EPHX2: variants seen among roughly 807,000 people sequenced by gnomAD.
The protein encoded by EPHX2 is epoxide hydrolase 2.
A neutral mutation model predicts 78.7 loss-of-function variants in EPHX2; 74 were observed. The ratio of observed to expected loss-of-function variants is 0.94; its 90% confidence interval spans 0.78 to 1.14. The LOEUF is 1.14. EPHX2 is among the 50% of genes most tolerant of loss of function. The pLI, the probability that EPHX2 is intolerant of heterozygous loss-of-function variation, is 0.00. For missense variants in EPHX2, 715 were observed against 702.5 expected (o/e 1.02, Z -0.20); for synonymous variants, 251 against 255.2 (o/e 0.98, Z 0.16).
intron 5 of EPHX2, among the ~76,000 whole-genome samples, chr8:27,509,709 G>A (rs1178785844): frequency 6.6e-6 from 1 of 152,148 alleles, no homozygotes; most frequent in Non-Finnish European, 1.5e-5. Context: ...TTGAGGAAAT[G>A]CTGTGCTGTT....
chr8:27,540,769 T>G, intron 15 of EPHX2, 113 bp downstream of exon 15: 1 of 961,722 alleles, frequency 1.0e-6, no homozygotes, highest in East Asian at 2.5e-5. Context: ...CCCTCGTTAG[T>G]GCCAGGCCAG....
rs543124961 is a variant in EPHX2 at position 27,545,056 on chromosome 8, C to A, written c.*534C>A. 5.2e-4 allele frequency: 81 copies of A among 157,002 alleles called. No homozygotes were observed. The highest frequency in any genetic ancestry group is 1.0e-3 in the Non-Finnish European group (73 of 70,944). 9.7% of individuals were successfully genotyped at this position (157,002 alleles called of 1,614,324 possible). On this transcript the variant is annotated 3_prime_UTR_variant, in exon 19 of 19. Transcript: ENST00000521400. ...GCTGTATGATCTAGGCCGTGCTGGC[C>A]AGGAGACAATCCTATGGGGATGGCA...
intron 18 of EPHX2, 88 bp downstream of exon 18, chr8:27,544,332 C>T: frequency 6.3e-7 from 1 of 1,599,818 alleles, no homozygotes; most frequent in Non-Finnish European, 8.6e-7. Flanking sequence ...ATTGTGCTGG[C>T]TTTGGCCTGG....
At chr8:27,512,653 T>C (rs1453112691) in intron 6 of EPHX2, among the ~76,000 whole-genome samples, 4 of 152,170 alleles carry the variant, frequency 2.6e-5, no homozygotes, top group African/African-American at 7.2e-5. Flanking sequence ...TCATTTGTCA[T>C]TGGCCTCATT....
intron 6 of EPHX2, among the ~76,000 whole-genome samples, chr8:27,515,245 T>C (rs1333638975): frequency 6.6e-6 from 1 of 152,208 alleles, no homozygotes; most frequent in Non-Finnish European, 1.5e-5. Flanking sequence ...TGCTTCAAAC[T>C]GCGAGCCTAT....
At chr8:27,539,940 C>G (rs1243769954) in intron 14 of EPHX2, among the ~76,000 whole-genome samples, 2 of 152,270 alleles carry the variant, frequency 1.3e-5, no homozygotes. Flanking sequence ...TGAGGCTGTG[C>G]CCTGTGAAAT....
At chr8:27,506,662 C>G (rs915381796) in intron 4 of EPHX2, among the ~76,000 whole-genome samples, 1 of 152,202 alleles carries the variant, frequency 6.6e-6, no homozygotes, top group African/African-American at 2.4e-5. Context: ...AACCCTCTTG[C>G]AATTTCAGAA....
In EPHX2 at chr8:27,500,799, C is replaced by T; in HGVS notation, c.102-127C>T. 3 of 829,836 alleles carry T rather than the reference C, an allele frequency of 3.6e-6. No individual in the cohort carries two copies. The South Asian group carries it at 5.1e-5, about 14-fold the overall frequency. The allele number at this position is 829,836 out of a possible 1,614,324, so 51.4% of individuals were successfully genotyped here. A position where few individuals can be genotyped will look rare whatever the true frequency, so the allele number is the denominator to read the frequency against. On this transcript the variant is annotated intron_variant, in intron 1 of 18. Transcript: ENST00000521400. Reference sequence around the variant, plus strand: ...AAGATCCCAATTTGAACTGCGTTTGCATTTTCCAGTTCCTGGCAGTATCCC... The same window carrying T: ...AAGATCCCAATTTGAACTGCGTTTGTATTTTCCAGTTCCTGGCAGTATCCC...
intron 5 of EPHX2, among the ~76,000 whole-genome samples, chr8:27,507,903 T>C (rs781450286): frequency 2.6e-5 from 4 of 152,180 alleles, no homozygotes; most frequent in Admixed American, 6.5e-5. Context: ...CCTCCTTTTA[T>C]GAGGATACCC....
intron 12 of EPHX2, 38 bp from the exon 13 acceptor site, chr8:27,536,746 C>A (rs907087868): frequency 6.2e-7 from 1 of 1,611,572 alleles, no homozygotes; most frequent in Non-Finnish European, 8.5e-7. Flanking sequence ...TCCACGATTT[C>A]TAGGGGGTCC....
At chr8:27,543,012 C>T (rs551436072) in intron 16 of EPHX2, among the ~76,000 whole-genome samples, 1 of 136,250 alleles carries the variant, frequency 7.3e-6, no homozygotes, top group African/African-American at 2.6e-5. Flanking sequence ...CCTCTCCCCC[C>T]CCCGCCCCCC....
At chr8:27,525,260 G>T in intron 11 of EPHX2, 102 bp from the exon 12 acceptor site, 1 of 974,068 alleles carries the variant, frequency 1.0e-6, no homozygotes, top group Non-Finnish European at 1.6e-6. Context: ...TGCATAGAAT[G>T]TTCCCACTCT....
chr8:27,494,708 A>G (rs1201604779), intron 1 of EPHX2, among the ~76,000 whole-genome samples: 2 of 152,202 alleles, frequency 1.3e-5, no homozygotes, highest in African/African-American at 4.8e-5. Flanking sequence ...TACTTGTTGG[A>G]TGGTCTGAAG....
In EPHX2 at chr8:27,509,523, C is replaced by T. The variant is rs1223193710; in HGVS notation, c.661-2313C>T. Among the ~76,000 whole-genome samples, 3 of 152,248 alleles carry T rather than the reference C, an allele frequency of 2.0e-5. No homozygotes were observed. In the East Asian group the frequency reaches 5.8e-4, roughly 29 times the overall value. ...GCAGTGGCACAATATTGGCTCACTG[C>T]AACCTCTGCCTCCCAGGATCAAGCG... On this transcript the variant is annotated intron_variant, in intron 5 of 18. Transcript: ENST00000521400.
At chr8:27,536,651 G>A (rs1815221762) in intron 12 of EPHX2, 133 bp from the exon 13 acceptor site, 3 of 805,754 alleles carry the variant, frequency 3.7e-6, no homozygotes, top group Non-Finnish European at 6.2e-6. Context: ...AAATTCAAAT[G>A]GATGCTATTC....
At chr8:27,526,545 G>A (rs566423712) in intron 12 of EPHX2, among the ~76,000 whole-genome samples, 13 of 152,266 alleles carry the variant, frequency 8.5e-5, no homozygotes, top group African/African-American at 2.9e-4. Flanking sequence ...TGTAGAGGGC[G>A]TATTACTTTG....
intron 1 of EPHX2, among the ~76,000 whole-genome samples, chr8:27,496,745 G>A (rs1258768103): frequency 2.0e-5 from 3 of 152,170 alleles, no homozygotes; most frequent in Non-Finnish European, 4.4e-5. Context: ...AAGGGATATT[G>A]CCTTTGATAA....
At position 27,524,125 on chromosome 8, in the gene EPHX2, G is replaced by A. The variant is rs151251123; in HGVS notation, c.1059-1237G>A. Among the ~76,000 whole-genome samples the A allele has an allele frequency of 8.0e-3, 1,215 of 152,146 alleles. 5 individuals are homozygous for A. Among genetic ancestry groups the A allele is most frequent in the Non-Finnish European group, 0.013 (887 of 68,014 alleles). On this transcript the variant is annotated intron_variant, in intron 11 of 18. Coordinates refer to ENST00000521400, the MANE Select transcript of EPHX2 (RefSeq NM_001979.6). Reference sequence around the variant, plus strand: ...ATTTTGTATTTTTAGTAGAGATGAGGCTTTACCACATTGGCCAGGCTGGTC... The same window carrying A: ...ATTTTGTATTTTTAGTAGAGATGAGACTTTACCACATTGGCCAGGCTGGTC...
At chr8:27,538,262 C>T (rs1815276187) in intron 13 of EPHX2, among the ~76,000 whole-genome samples, 1 of 152,078 alleles carries the variant, frequency 6.6e-6, no homozygotes, top group East Asian at 1.9e-4. Context: ...TATAGCATGT[C>T]AGAGACCCCA....
Sources: allele counts gnomAD v4.1 joint callset (sites outside exome capture counted in the v4.1 genomes callset), GRCh38; gene constraint gnomAD v4.1.1; transcripts MANE v1.5; gene names NCBI Gene and HGNC (gene_info 2026-07-23, HGNC 2026-07-21).